MSRA: variants seen among roughly 807,000 people sequenced by gnomAD.
MSRA encodes the protein mitochondrial peptide methionine sulfoxide reductase.
A neutral mutation model predicts 31.3 loss-of-function variants in MSRA; 54 were observed. The observed-to-expected ratio is 1.73, with a 90% CI of 1.39 to 2.17. The LOEUF (loss-of-function observed/expected upper bound fraction) is 2.17, where lower values mean the gene tolerates loss of function less well. Among genes scored for constraint, MSRA ranks in the 30% most tolerant of loss-of-function variants. The pLI, the probability that MSRA is intolerant of heterozygous loss-of-function variation, is 0.00. For missense variants in MSRA, 507 were observed against 300.9 expected, an observed-to-expected ratio of 1.69 and a Z score of -5.07; for synonymous variants, 169 against 116.5, an observed-to-expected ratio of 1.45 and a Z score of -2.90.
At chr8:10,416,683 A>T (rs1288988280) in intron 5 of MSRA, among the ~76,000 whole-genome samples, 1 of 152,208 alleles carries the variant, frequency 6.6e-6, no homozygotes, top group Non-Finnish European at 1.5e-5. Context: ...TGTGCCGTTG[A>T]CCACACTTGC....
intron 3 of MSRA, among the ~76,000 whole-genome samples, chr8:10,263,972 C>T (rs1304738069): frequency 1.3e-5 from 2 of 152,224 alleles, no homozygotes; most frequent in Non-Finnish European, 2.9e-5. Context: ...ATGATGTGAC[C>T]ACAGTTTTCT....
chr8:10,421,663 G>C (rs970604114), intron 5 of MSRA, among the ~76,000 whole-genome samples: 5 of 152,288 alleles, frequency 3.3e-5, no homozygotes, highest in Middle Eastern at 3.4e-3. Flanking sequence ...CTAGAAGGAC[G>C]GATGGGACCT....
intron 5 of MSRA, among the ~76,000 whole-genome samples, chr8:10,427,539 C>T (rs1436878971): frequency 2.0e-5 from 3 of 152,122 alleles, no homozygotes; most frequent in Non-Finnish European, 4.4e-5. Flanking sequence ...CAAGCGACCG[C>T]CTGCTCACCA....
intron 1 of MSRA, among the ~76,000 whole-genome samples, chr8:10,164,475 C>G (rs963596312): frequency 1.1e-4 from 16 of 152,290 alleles, no homozygotes; most frequent in Middle Eastern, 6.8e-3. Context: ...TTAGGCTGTG[C>G]TGGTTTTGAC....
intron 3 of MSRA, 24 bp from the exon 4 acceptor site, chr8:10,301,510 G>C: frequency 6.3e-7 from 1 of 1,585,526 alleles, no homozygotes; most frequent in Non-Finnish European, 8.6e-7. Flanking sequence ...GTAAATTTCG[G>C]TTGTACGTTT....
intron 1 of MSRA, among the ~76,000 whole-genome samples, chr8:10,154,344 G>C (rs1803966895): frequency 6.6e-6 from 1 of 152,016 alleles, no homozygotes; most frequent in South Asian, 2.1e-4. Flanking sequence ...ACGATGGAAG[G>C]CTGAAGGACA....
At chr8:10,287,731 C>G (rs1489720430) in intron 3 of MSRA, among the ~76,000 whole-genome samples, 2 of 152,110 alleles carry the variant, frequency 1.3e-5, no homozygotes, top group Non-Finnish European at 2.9e-5. Flanking sequence ...ATTTTTGTTT[C>G]AGACCTGGAT....
At chr8:10,336,014 C>G (rs1803018071) in intron 5 of MSRA, among the ~76,000 whole-genome samples, 1 of 152,118 alleles carries the variant, frequency 6.6e-6, no homozygotes. Context: ...TAGATTCCCT[C>G]TGGACATGTC....
chr8:10,116,439 A>G (rs1436826873), intron 1 of MSRA, among the ~76,000 whole-genome samples: 1 of 152,174 alleles, frequency 6.6e-6, no homozygotes, highest in East Asian at 1.9e-4. Context: ...TTTGATAAGC[A>G]ATTCTTGAGC....
chr8:10,149,107 C>G (rs535813057), intron 1 of MSRA, among the ~76,000 whole-genome samples: 1 of 148,354 alleles, frequency 6.7e-6, no homozygotes, highest in East Asian at 2.0e-4. Context: ...AGGCACATGC[C>G]ACCACACCTG....
At chr8:10,073,664 A>G (rs1451095385) in intron 1 of MSRA, among the ~76,000 whole-genome samples, 1 of 151,874 alleles carries the variant, frequency 6.6e-6, no homozygotes, top group Non-Finnish European at 1.5e-5. Flanking sequence ...AGCTTGAGCC[A>G]TTGGCTGCGG....
chr8:10,390,954 C>A (rs940040620), intron 5 of MSRA, among the ~76,000 whole-genome samples: 1 of 142,280 alleles, frequency 7.0e-6, no homozygotes, highest in Non-Finnish European at 1.5e-5. Context: ...CCAGCCTGGG[C>A]GATAAGTGAG....
At chr8:10,370,004 T>C (rs979170698) in intron 5 of MSRA, among the ~76,000 whole-genome samples, 5 of 152,268 alleles carry the variant, frequency 3.3e-5, no homozygotes, top group Non-Finnish European at 2.9e-5. Flanking sequence ...TCTGTTCATA[T>C]TGAAGAAGAA....
At chr8:10,062,693 G>A (rs959308708) in intron 1 of MSRA, among the ~76,000 whole-genome samples, 7 of 152,184 alleles carry the variant, frequency 4.6e-5, no homozygotes, top group South Asian at 2.1e-4. Context: ...AGGAAGCATC[G>A]GGGTTTGGGG....
intron 5 of MSRA, among the ~76,000 whole-genome samples, chr8:10,356,850 C>T (rs980954269): frequency 1.3e-5 from 2 of 148,620 alleles, no homozygotes; most frequent in African/African-American, 2.5e-5. Context: ...ATCAACACAG[C>T]GTGCACGTTC....
chr8:10,332,375 G>T lies in MSRA; in HGVS notation c.543+12386G>T, dbSNP rs561613958. On this transcript the variant is annotated intron_variant, in intron 5 of 5. Transcript: ENST00000317173. ...TTTTTTATCTGTGCTTTTGTTTAAA[G>T]CATGAAGTTATGATTTAAAATGCCC... is the stretch of plus-strand genomic sequence containing the variant. Among the ~76,000 whole-genome samples the T allele has an allele frequency of 1.3e-3, 192 of 151,902 alleles. 1 individual carries two copies. The highest frequency in any genetic ancestry group is 4.3e-3 in the African/African-American group (180 of 41,396).
chr8:10,294,172 G>A (rs1035182835), intron 3 of MSRA, among the ~76,000 whole-genome samples: 1 of 152,172 alleles, frequency 6.6e-6, no homozygotes, highest in African/African-American at 2.4e-5. Flanking sequence ...CTGCACTCCA[G>A]CCTGGGCAAG....
intron 5 of MSRA, among the ~76,000 whole-genome samples, chr8:10,326,909 A>C (rs1341093554): frequency 6.6e-6 from 1 of 152,204 alleles, no homozygotes; most frequent in Non-Finnish European, 1.5e-5. Flanking sequence ...CATCCTGAGA[A>C]TGTGACTCCA....
intron 4 of MSRA, among the ~76,000 whole-genome samples, chr8:10,314,059 T>C (rs190896717): frequency 5.5e-4 from 84 of 152,214 alleles, no homozygotes; most frequent in Admixed American, 2.0e-3. Context: ...AAATTTCAAG[T>C]AGATAATTTT....
Sources: allele counts gnomAD v4.1 joint callset (sites outside exome capture counted in the v4.1 genomes callset), GRCh38; gene constraint gnomAD v4.1.1; transcripts MANE v1.5; gene names NCBI Gene and HGNC (gene_info 2026-07-23, HGNC 2026-07-21).